Variants in DCST1 observed in about 807,000 individuals in gnomAD.
DCST1 encodes the protein DC-STAMP domain containing 1, also known as E3 ubiquitin-protein ligase DCST1.
A neutral mutation model predicts 89.1 loss-of-function variants in DCST1; 78 were observed. That is an observed-to-expected ratio of 0.88 (90% CI 0.73 to 1.06). DCST1 has a LOEUF of 1.06. DCST1 is among the 50% of genes least tolerant of loss of function. DCST1 has a pLI of 0.00. For missense variants in DCST1, 900 were observed against 928.6 expected, an observed-to-expected ratio of 0.97 and a Z score of 0.40; for synonymous variants, 364 against 371.9, an observed-to-expected ratio of 0.98 and a Z score of 0.24.
At chr1:155,050,533 G>T in intron 16 of DCST1, 84 bp from the exon 17 acceptor site, 1 of 1,451,400 alleles carries the variant, frequency 6.9e-7, no homozygotes, top group Non-Finnish European at 9.1e-7. Context: ...GTCAGGCCTG[G>T]CGACTTCAGA....
intron 14 of DCST1, 71 bp from the exon 15 acceptor site, chr1:155,047,716 G>C (rs1660701578): frequency 6.9e-7 from 1 of 1,446,042 alleles, no homozygotes; most frequent in Non-Finnish European, 9.6e-7. Flanking sequence ...CACTGGGATG[G>C]GAAGTCCAAC....
intron 10 of DCST1, among the ~76,000 whole-genome samples, chr1:155,044,588 T>C (rs1276648244): frequency 6.6e-6 from 1 of 151,682 alleles, no homozygotes; most frequent in East Asian, 1.9e-4. Flanking sequence ...TTGAGACGTG[T>C]ATGGGAGCTG....
At chr1:155,042,891 A>G (rs1558108440) in intron 9 of DCST1, 35 bp downstream of exon 9, 3 of 1,605,446 alleles carry the variant, frequency 1.9e-6, no homozygotes, top group Non-Finnish European at 2.6e-6. Context: ...TGGGGGGTAG[A>G]TAGGGAGTGG....
Position 155,050,813 on chromosome 1 carries a change from AG to A in DCST1, c.2067del (p.Glu689AspfsTer33), listed in dbSNP as rs1660919547. The A allele has an allele frequency of 2.5e-6, 4 of 1,612,702 alleles. No homozygotes were observed. Among genetic ancestry groups the A allele is most frequent in the Middle Eastern group, 1.6e-4 (1 of 6,082 alleles). ...TGCCCGGTCTGCACGCCCCGCGAAG[AG>A]CTCTCTTCCTCCGCCTTTAGTGACA... ...QRCPVCTPRE[E>X]LSSSAFSDSN... On this transcript the variant is annotated frameshift_variant, in exon 17 of 17. Coordinates refer to ENST00000295542, the MANE Select transcript of DCST1 (RefSeq NM_152494.4). LOFTEE classifies it high-confidence loss of function.
Position 155,034,584 on chromosome 1 carries a change from G to A in DCST1, c.187+24G>A, listed in dbSNP as rs759525566. The A allele has an allele frequency of 1.8e-5, 29 of 1,613,822 alleles. No homozygotes were observed. The East Asian group carries it at 4.0e-4, about 22-fold the overall frequency. ...AGGTGAGTGTGGAAGCAGAAAGTTC[G>A]GGGTGGGCAGAGGCTGGACCAGGGC... On this transcript the variant is annotated intron_variant, in intron 3 of 16. Transcript: ENST00000295542.
chr1:155,048,257 AC>A, intron 16 of DCST1, 87 bp downstream of exon 16: 1 of 1,059,202 alleles, frequency 9.4e-7, no homozygotes, highest in Non-Finnish European at 1.4e-6. Flanking sequence ...TCCACCCAGC[AC>A]CCACCAATGG....
Position 155,046,163 on chromosome 1 carries a change from G to A in DCST1, c.1311G>A (p.Glu437=). The change falls in exon 12 of 17, where the codon GAG becomes GAA. Residue 437 remains glutamate, a synonymous_variant. Transcript: ENST00000295542. ...RTLLPLRKAE[E]KTVIFPCKPT... ...TGCTGCCACTCCGCAAAGCTGAGGA[G>A]AAAACCGTCATCTTCCCTTGCAAGC... The A allele has an allele frequency of 6.2e-7, 1 of 1,614,230 alleles. No homozygotes were observed.
Position 155,046,281 on chromosome 1 carries a change from AG to A in DCST1, c.1368+64del, listed in dbSNP as rs1418868575. ...AAGACAGGCCTGAAGGTGAGGGTGG[AG>A]GGTAAAAGGCACCAGAGAGTGCTCC... On this transcript the variant is annotated intron_variant, in intron 12 of 16. Transcript: ENST00000295542. 2.5e-6 allele frequency: 4 copies of A among 1,613,852 alleles called. No homozygotes were observed. In the African/African-American group the frequency reaches 5.3e-5, roughly 22 times the overall value.
At chr1:155,035,839 A>C (rs1016158802) in intron 4 of DCST1, among the ~76,000 whole-genome samples, 1 of 152,064 alleles carries the variant, frequency 6.6e-6, no homozygotes, top group African/African-American at 2.4e-5. Context: ...CTGAGGCAGG[A>C]GGCTTGCTTG....
intron 4 of DCST1, among the ~76,000 whole-genome samples, chr1:155,038,185 G>A (rs1405421959): frequency 6.6e-6 from 1 of 152,242 alleles, no homozygotes; most frequent in Non-Finnish European, 1.5e-5. Flanking sequence ...CAGAGAGGAG[G>A]AATGAGCTTG....
At chr1:155,034,820 C>A in intron 4 of DCST1, 93 bp downstream of exon 4, 1 of 1,374,786 alleles carries the variant, frequency 7.3e-7, no homozygotes, top group Non-Finnish European at 1.0e-6. Context: ...CTTGTTTCTT[C>A]TGTACCCATA....
chr1:155,036,819 G>T (rs1489169108), intron 4 of DCST1, among the ~76,000 whole-genome samples: 1 of 152,232 alleles, frequency 6.6e-6, no homozygotes, highest in African/African-American at 2.4e-5. Flanking sequence ...GGCTGACCTC[G>T]AGTGAAGCCC....
chr1:155,049,272 G>A (rs182223136), intron 16 of DCST1: 1 of 527,388 alleles, frequency 1.9e-6, no homozygotes. Context: ...TACTTACATG[G>A]TGCTGGCATG....
chr1:155,043,550 CG>C (rs777277487), intron 10 of DCST1, 41 bp downstream of exon 10: 57 of 1,532,172 alleles, frequency 3.7e-5, no homozygotes, highest in African/African-American at 5.5e-5. Context: ...TCCTCTGCCC[CG>C]GACTGGAGCC....
In DCST1 at chr1:155,036,193, A is replaced by C. The variant is rs147031557; in HGVS notation, c.262+1466A>C. Among the ~76,000 whole-genome samples, 39 of 152,304 alleles carry C rather than the reference A, an allele frequency of 2.6e-4. No homozygotes were observed. In the East Asian group the frequency reaches 3.1e-3, roughly 12 times the overall value. On this transcript the variant is annotated intron_variant, in intron 4 of 16. Coordinates refer to ENST00000295542, the MANE Select transcript of DCST1 (RefSeq NM_152494.4). ...TGCGTGCAACACATGCCCTTTCCTGAACCTGTCCCAGGCAAGGGAAATAGA... is the reference window on the plus strand; with the variant it reads ...TGCGTGCAACACATGCCCTTTCCTGCACCTGTCCCAGGCAAGGGAAATAGA...
At chr1:155,043,264 G>A in intron 9 of DCST1, 88 bp from the exon 10 acceptor site, 1 of 1,592,684 alleles carries the variant, frequency 6.3e-7, no homozygotes, top group Admixed American at 1.7e-5. Context: ...ACACAAGTGG[G>A]GTACTGGGGA....
In DCST1 at chr1:155,046,143, C is replaced by A. The variant is rs762476448; in HGVS notation, c.1291C>A (p.Pro431Thr). The change falls in exon 12 of 17, where the codon CCA becomes ACA. Residue 431 changes from proline to threonine, a missense_variant. By Grantham distance (38) the Pro-to-Thr change is conservative. Coordinates refer to ENST00000295542, the MANE Select transcript of DCST1 (RefSeq NM_152494.4). ...TTTCCAGGGCAAACGGACTCTGCTG[C>A]CACTCCGCAAAGCTGAGGAGAAAAC... is the stretch of plus-strand genomic sequence containing the variant. ...RKKLGKRTLL[P>T]LRKAEEKTVI... is the part of the protein sequence containing the mutation. The A allele has an allele frequency of 6.2e-7, 1 of 1,614,080 alleles. No homozygotes were observed. Among genetic ancestry groups the A allele is most frequent in the Non-Finnish European group, 8.5e-7 (1 of 1,180,040 alleles).
chr1:155,046,029 G>A (rs754867265), intron 11 of DCST1, 37 bp downstream of exon 11: 3 of 1,613,170 alleles, frequency 1.9e-6, no homozygotes, highest in Non-Finnish European at 2.5e-6. Flanking sequence ...ATGCCTTGCT[G>A]CTGTGTGCCC....
intron 10 of DCST1, among the ~76,000 whole-genome samples, chr1:155,043,716 G>A (rs1314023146): frequency 6.6e-6 from 1 of 152,080 alleles, no homozygotes; most frequent in Non-Finnish European, 1.5e-5. Context: ...GCCTTAAAAG[G>A]CCAACCGTCT....
Sources: gnomAD v4.1 joint callset for allele counts (sites outside exome capture counted in the v4.1 genomes callset) on GRCh38, gnomAD v4.1.1 for gene constraint, MANE v1.5 for transcripts, NCBI Gene and HGNC (gene_info 2026-07-23, HGNC 2026-07-21) for gene names.